Variants in KREMEN1 observed in about 807,000 individuals in gnomAD.
The protein encoded by KREMEN1 is kringle containing transmembrane protein 1, also known as kremen protein 1.
KREMEN1 carries 30 observed loss-of-function variants against 46.5 expected under a neutral mutation model. The ratio of observed to expected loss-of-function variants is 0.65; its 90% CI spans 0.48 to 0.88. The LOEUF (loss-of-function observed/expected upper bound fraction) is 0.88, where lower values mean the gene tolerates loss of function less well. KREMEN1 is among the 40% of genes least tolerant of loss of function. KREMEN1 has a pLI of 0.00. For missense variants in KREMEN1, 533 were observed against 596.9 expected (o/e 0.89, Z 1.11); for synonymous variants, 214 against 230.6 (o/e 0.93, Z 0.65).
At chr22:29,131,774 A>ATGTG (rs2038562776) in intron 5 of KREMEN1, among the ~76,000 whole-genome samples, 2 of 140,118 alleles carry the variant, frequency 1.4e-5, no homozygotes, top group Admixed American at 7.2e-5. Flanking sequence ...ATATGTATAT[A>ATGTG]TATATATAGT....
chr22:29,094,501 A>G, intron 2 of KREMEN1, 81 bp downstream of exon 2: 1 of 1,337,990 alleles, frequency 7.5e-7, no homozygotes, highest in Non-Finnish European at 1.0e-6. Flanking sequence ...CCCAGCTCAC[A>G]ACTAGGGGAA....
intron 9 of KREMEN1, among the ~76,000 whole-genome samples, chr22:29,152,242 G>T (rs1485639547): frequency 3.3e-5 from 5 of 152,168 alleles, no homozygotes; most frequent in Non-Finnish European, 7.4e-5. Context: ...GGGGAGGGCG[G>T]CTGGTTTCCT....
At chr22:29,075,395 C>G (rs2037550893) in intron 1 of KREMEN1, among the ~76,000 whole-genome samples, 1 of 152,130 alleles carries the variant, frequency 6.6e-6, no homozygotes, top group Admixed American at 6.6e-5. Flanking sequence ...GATATCTTTG[C>G]TTTTTTAAGG....
intron 3 of KREMEN1, among the ~76,000 whole-genome samples, chr22:29,112,533 A>G (rs1191937747): frequency 1.3e-5 from 2 of 152,232 alleles, no homozygotes; most frequent in Admixed American, 6.5e-5. Flanking sequence ...TAAAAGAACA[A>G]TAGTTCCTGG....
chr22:29,162,027 A>G (rs369289476), intron 9 of KREMEN1, among the ~76,000 whole-genome samples: 3 of 151,798 alleles, frequency 2.0e-5, no homozygotes, highest in East Asian at 1.9e-4. Context: ...CTGAGGCAGG[A>G]GAATCACTTG....
intron 3 of KREMEN1, among the ~76,000 whole-genome samples, chr22:29,102,008 T>C (rs1480814303): frequency 6.6e-6 from 1 of 152,224 alleles, no homozygotes; most frequent in Admixed American, 6.5e-5. Context: ...ATGTAGTATA[T>C]ATAATGTATT....
intron 1 of KREMEN1, among the ~76,000 whole-genome samples, chr22:29,086,688 C>T (rs134637): frequency 0.64 from 97,963 of 152,078 alleles, 31,754 homozygotes; most frequent in Middle Eastern, 0.77. Context: ...GGCACCAGTC[C>T]GTATTTGAAA....
At chr22:29,147,548 C>A (rs2038881232), downstream of KREMEN1, among the ~76,000 whole-genome samples, 1 of 152,230 alleles carries the variant, frequency 6.6e-6, no homozygotes, top group Non-Finnish European at 1.5e-5. Context: ...TTCCTCCATT[C>A]ATTCTCTGTG....
At chr22:29,150,255 G>A (rs117208758), downstream of KREMEN1, among the ~76,000 whole-genome samples, 332 of 152,166 alleles carry the variant, frequency 2.2e-3, 8 homozygotes, top group East Asian at 0.053. Flanking sequence ...GACTGAACAT[G>A]AACCAGTCTG....
intron 1 of KREMEN1, among the ~76,000 whole-genome samples, chr22:29,093,764 T>C (rs1203117832): frequency 6.6e-6 from 1 of 152,226 alleles, no homozygotes; most frequent in Non-Finnish European, 1.5e-5. Flanking sequence ...AGCATTGCTG[T>C]ATCCGATGAT....
At position 29,142,149 on chromosome 22, in the gene KREMEN1, G is replaced by C. The variant is rs2038774509; in HGVS notation, c.*37G>C. On this transcript the variant is annotated 3_prime_UTR_variant, in exon 9 of 9. Transcript: ENST00000400335. ...TGCCTAGGACTTGAGGTCCCTCTTT[G>C]AGCTCAAGGCTGCCGTGGTCAACCT... 2 of 1,513,580 alleles carry C rather than the reference G, an allele frequency of 1.3e-6. No homozygotes were observed. Among genetic ancestry groups the C allele is most frequent in the Non-Finnish European group, 1.8e-6 (2 of 1,130,872 alleles). 93.8% of individuals were successfully genotyped at this position (1,513,580 alleles called of 1,614,324 possible).
intron 9 of KREMEN1, among the ~76,000 whole-genome samples, chr22:29,158,184 A>T: frequency 6.6e-6 from 1 of 152,306 alleles, no homozygotes; most frequent in East Asian, 1.9e-4. Flanking sequence ...ACACGGGTAA[A>T]ACACGGGGTA....
intron 9 of KREMEN1, among the ~76,000 whole-genome samples, chr22:29,159,807 G>A (rs1203657163): frequency 6.6e-6 from 1 of 152,146 alleles, no homozygotes; most frequent in Non-Finnish European, 1.5e-5. Flanking sequence ...GGTGGATGAA[G>A]TCCGTGCCCA....
intron 1 of KREMEN1, among the ~76,000 whole-genome samples, chr22:29,090,564 G>A (rs1364852057): frequency 6.6e-6 from 1 of 152,138 alleles, no homozygotes; most frequent in Non-Finnish European, 1.5e-5. Context: ...AAACAGTGTG[G>A]AGGTTCCTCA....
chr22:29,098,054 C>G (rs12168451), intron 2 of KREMEN1, among the ~76,000 whole-genome samples: 1 of 152,038 alleles, frequency 6.6e-6, no homozygotes, highest in Non-Finnish European at 1.5e-5. Context: ...GCGGCGGGCA[C>G]TTGTAGTCCC....
chr22:29,100,928 A>T (rs959418091), intron 3 of KREMEN1, among the ~76,000 whole-genome samples: 8 of 152,200 alleles, frequency 5.3e-5, no homozygotes, highest in Non-Finnish European at 1.0e-4. Flanking sequence ...TAAAACATTT[A>T]AAAAATATAA....
intron 3 of KREMEN1, among the ~76,000 whole-genome samples, chr22:29,104,164 T>G (rs535454556): frequency 5.1e-4 from 77 of 151,128 alleles, no homozygotes; most frequent in Admixed American, 1.4e-3. Flanking sequence ...GTAATTTTTT[T>G]TTTTTTTTTT....
chr22:29,078,494 A>AAAAAAG (rs377326799), intron 1 of KREMEN1, among the ~76,000 whole-genome samples: 1 of 147,556 alleles, frequency 6.8e-6, no homozygotes. Context: ...AAAAAAAAAA[A>AAAAAAG]AAGAAGAAGA....
At chr22:29,080,398 T>C (rs755256404) in intron 1 of KREMEN1, among the ~76,000 whole-genome samples, 9 of 152,152 alleles carry the variant, frequency 5.9e-5, no homozygotes, top group Non-Finnish European at 1.0e-4. Context: ...AAAAGTTTAG[T>C]TGGAGGGGAG....
Sources: gnomAD v4.1 joint callset for allele counts (sites outside exome capture counted in the v4.1 genomes callset) on GRCh38, gnomAD v4.1.1 for gene constraint, MANE v1.5 for transcripts, NCBI Gene and HGNC (gene_info 2026-07-23, HGNC 2026-07-21) for gene names.